Variants in BMP5 observed in about 807,000 individuals in gnomAD.
BMP5 encodes bone morphogenetic protein 5.
BMP5 carries 23 observed loss-of-function variants against 46.6 expected under a neutral mutation model. That is an observed-to-expected ratio of 0.49 (90% CI 0.35 to 0.70). The LOEUF (loss-of-function observed/expected upper bound fraction) is 0.70, where lower values mean the gene tolerates loss of function less well. Among genes scored for constraint, BMP5 ranks in the 30% least tolerant of loss-of-function variants. BMP5 has a pLI of 0.00. For missense variants in BMP5, 545 were observed against 565.6 expected (o/e 0.96, Z 0.37); for synonymous variants, 204 against 191.9 (o/e 1.06, Z -0.52).
intron 2 of BMP5, among the ~76,000 whole-genome samples, chr6:55,805,150 G>T (rs2127532962): frequency 6.6e-6 from 1 of 152,234 alleles, no homozygotes; most frequent in Non-Finnish European, 1.5e-5. Flanking sequence ...TGGCAAAAGT[G>T]TTTGCTTGTT....
At chr6:55,801,292 GGT>G (rs1775843804) in intron 2 of BMP5, among the ~76,000 whole-genome samples, 1 of 151,664 alleles carries the variant, frequency 6.6e-6, no homozygotes, top group Non-Finnish European at 1.5e-5. Context: ...GAGATCTGCT[GGT>G]TCATCTTATT....
At chr6:55,762,154 G>C (rs1205640978) in intron 4 of BMP5, among the ~76,000 whole-genome samples, 3 of 151,958 alleles carry the variant, frequency 2.0e-5, no homozygotes, top group Admixed American at 1.3e-4. Context: ...TTTCATTCTT[G>C]TCTTGTGTTG....
chr6:55,795,811 G>A (rs1775697646), intron 2 of BMP5, among the ~76,000 whole-genome samples: 1 of 152,104 alleles, frequency 6.6e-6, no homozygotes, highest in Non-Finnish European at 1.5e-5. Context: ...CCAAAGGAAG[G>A]ATTGAAACGC....
At chr6:55,873,040 T>C (rs1383215445) in intron 1 of BMP5, among the ~76,000 whole-genome samples, 1 of 151,850 alleles carries the variant, frequency 6.6e-6, no homozygotes, top group Non-Finnish European at 1.5e-5. Flanking sequence ...AATTATGACT[T>C]ACTCACTTAA....
At position 55,794,409 on chromosome 6, in the gene BMP5, C is replaced by T; in HGVS notation, c.702G>A (p.Leu234=). ...EYTNRDADLF[L]LDTRKAQALD... ...AAGCTTGGGCCTTTCTTGTGTCTAA[C>T]AAGAACAGATCTGCATCCCTAAAAA... Residue 234 remains leucine (L), a synonymous_variant, in exon 3 of 7, where the codon TTG becomes TTA. Coordinates refer to ENST00000370830, the MANE Select transcript of BMP5 (RefSeq NM_021073.4). The T allele has an allele frequency of 6.2e-7, 1 of 1,613,790 alleles. No homozygotes were observed. The highest frequency in any genetic ancestry group is 8.5e-7 in the Non-Finnish European group (1 of 1,179,850).
At chr6:55,775,545 C>G (rs1180581446) in intron 3 of BMP5, among the ~76,000 whole-genome samples, 1 of 151,906 alleles carries the variant, frequency 6.6e-6, no homozygotes, top group Non-Finnish European at 1.5e-5. Flanking sequence ...CAGAAGTTAG[C>G]AATCTTTTAA....
chr6:55,852,190 G>C (rs568032791), intron 1 of BMP5, among the ~76,000 whole-genome samples: 1 of 152,044 alleles, frequency 6.6e-6, no homozygotes, highest in Admixed American at 6.6e-5. Context: ...ATTTAGTAGG[G>C]CTTTAAAATG....
chr6:55,839,009 A>T (rs1582108402), intron 1 of BMP5, among the ~76,000 whole-genome samples: 1 of 152,178 alleles, frequency 6.6e-6, no homozygotes, highest in East Asian at 1.9e-4. Flanking sequence ...ATTCCCAATC[A>T]AGATATAATT....
intron 1 of BMP5, among the ~76,000 whole-genome samples, chr6:55,850,354 G>GATAGA (rs1777201984): frequency 8.4e-5 from 7 of 83,186 alleles, no homozygotes; most frequent in Non-Finnish European, 8.1e-5. Flanking sequence ...AGGTAAGTAG[G>GATAGA]TAGATAGATA....
At chr6:55,863,069 G>A (rs547868671) in intron 1 of BMP5, among the ~76,000 whole-genome samples, 2 of 152,236 alleles carry the variant, frequency 1.3e-5, no homozygotes, top group South Asian at 4.1e-4. Context: ...AGTAAAACAG[G>A]CACAGTCTTT....
In BMP5 at chr6:55,822,335, G is replaced by A. The variant is rs182452556; in HGVS notation, c.491-2488C>T. Among the ~76,000 whole-genome samples, 5 of 152,230 alleles carry A rather than the reference G, an allele frequency of 3.3e-5. No homozygotes were observed. The East Asian group carries it at 7.7e-4, about 24-fold the overall frequency. ...TTGACAGAAGAACCAGAAGTTAACTGACATGAAGTGATTTAAAGTCTCTTT... is the reference window on the plus strand; with the variant it reads ...TTGACAGAAGAACCAGAAGTTAACTAACATGAAGTGATTTAAAGTCTCTTT... On this transcript the variant is annotated intron_variant, in intron 1 of 6. Coordinates refer to ENST00000370830, the MANE Select transcript of BMP5 (RefSeq NM_021073.4).
rs1319413776 is a variant in BMP5 at position 55,874,639 on chromosome 6, G to T, written c.227C>A (p.Ser76Tyr). 6.2e-7 allele frequency: 1 copy of T among 1,613,670 alleles called. No individual in the cohort carries two copies. Among genetic ancestry groups the T allele is most frequent in the Admixed American group, 1.7e-5 (1 of 59,952 alleles). The stretch of plus-strand genomic sequence containing the variant: ...GAGATCCAGCATAAAGAGAGGTGCA[G>T]AGGACGCTTGTTTTCCAGGTGAAAA... ...RPFSPGKQAS[S>Y]APLFMLDLYN... The change falls in exon 1 of 7, where the codon TCT (serine) becomes TAT (tyrosine). Residue 76 changes from serine to tyrosine, a missense_variant. By Grantham distance (144) the Ser-to-Tyr change is moderately radical. Coordinates refer to ENST00000370830, the MANE Select transcript of BMP5 (RefSeq NM_021073.4).
At chr6:55,794,716 T>C (rs1231231759) in intron 2 of BMP5, among the ~76,000 whole-genome samples, 1 of 152,174 alleles carries the variant, frequency 6.6e-6, no homozygotes, top group Non-Finnish European at 1.5e-5. Flanking sequence ...TGATCCCTGG[T>C]CATCAGTGTT....
intron 2 of BMP5, among the ~76,000 whole-genome samples, chr6:55,813,846 T>G (rs1776194925): frequency 6.6e-6 from 1 of 152,096 alleles, no homozygotes; most frequent in Admixed American, 6.6e-5. Context: ...AAATTATACC[T>G]TAACTTTTTT....
At chr6:55,820,576 C>T (rs546165059) in intron 1 of BMP5, among the ~76,000 whole-genome samples, 1 of 152,086 alleles carries the variant, frequency 6.6e-6, no homozygotes, top group African/African-American at 2.4e-5. Context: ...CACCACCACA[C>T]CCAGCCAATT....
chr6:55,831,884 T>C (rs1335052325), intron 1 of BMP5, among the ~76,000 whole-genome samples: 1 of 151,804 alleles, frequency 6.6e-6, no homozygotes, highest in African/African-American at 2.4e-5. Context: ...ATCACATACA[T>C]ATAAGAAATA....
intron 2 of BMP5, among the ~76,000 whole-genome samples, chr6:55,809,873 G>A (rs904030187): frequency 6.6e-6 from 1 of 152,000 alleles, no homozygotes; most frequent in African/African-American, 2.4e-5. Flanking sequence ...AGTCCACAAC[G>A]ACATCTCCAC....
chr6:55,828,077 AAC>A (rs371688421), intron 1 of BMP5, among the ~76,000 whole-genome samples: 326 of 152,034 alleles, frequency 2.1e-3, no homozygotes, highest in African/African-American at 6.7e-3. Flanking sequence ...AGTAAAATAA[AAC>A]AGTTTTTAAC....
At position 55,851,268 on chromosome 6, in the gene BMP5, AT is replaced by A. The variant is rs370633831; in HGVS notation, c.490+23107del. 1.0e-3 allele frequency among the ~76,000 whole-genome samples: 151 copies of A among 151,592 alleles called. 2 individuals are homozygous for A. The South Asian group carries it at 0.031, about 31-fold the overall frequency. On this transcript the variant is annotated intron_variant, in intron 1 of 6. Coordinates refer to ENST00000370830, the MANE Select transcript of BMP5 (RefSeq NM_021073.4). ...GTGCTATTTTTTCTTTCAGTGGATGATTGCGCTTTAAAACAGAAAACAGAGC... is the reference window on the plus strand; with the variant it reads ...GTGCTATTTTTTCTTTCAGTGGATGATGCGCTTTAAAACAGAAAACAGAGC...
Sources: allele counts gnomAD v4.1 joint callset (sites outside exome capture counted in the v4.1 genomes callset), GRCh38; gene constraint gnomAD v4.1.1; transcripts MANE v1.5; gene names NCBI Gene and HGNC (gene_info 2026-07-23, HGNC 2026-07-21).